The following ARHGEF12 variants were observed in gnomAD, a reference collection of about 807,000 sequenced individuals.
The protein encoded by ARHGEF12 is Rho guanine nucleotide exchange factor 12, also known as KMT2A/ARHGEF12 fusion protein.
ARHGEF12 carries 66 observed loss-of-function variants against 211.2 expected under a neutral mutation model. The observed-to-expected ratio is 0.31, with a 90% CI of 0.26 to 0.38. ARHGEF12 has a LOEUF of 0.38. ARHGEF12 is among the 10% of genes least tolerant of loss of function. The pLI is 1.00. For missense variants in ARHGEF12, 1,429 were observed against 1,869.5 expected (o/e 0.76, Z 4.34); for synonymous variants, 592 against 638.4 (o/e 0.93, Z 1.09).
chr11:120,404,835 G>C (rs1252249735), intron 1 of ARHGEF12, among the ~76,000 whole-genome samples: 1 of 152,166 alleles, frequency 6.6e-6, no homozygotes, highest in African/African-American at 2.4e-5. Context: ...TAAGAAACAT[G>C]TTCCCATTCC....
intron 1 of ARHGEF12, among the ~76,000 whole-genome samples, chr11:120,354,893 G>T (rs1363567452): frequency 6.6e-6 from 1 of 152,108 alleles, no homozygotes; most frequent in Admixed American, 6.5e-5. Flanking sequence ...GAGATCTACA[G>T]ACATCCGCTA....
At chr11:120,474,244 C>T (rs1030793430) in intron 31 of ARHGEF12, among the ~76,000 whole-genome samples, 52 of 152,264 alleles carry the variant, frequency 3.4e-4, no homozygotes, top group African/African-American at 1.1e-3. Context: ...TTAAAGGATA[C>T]GTTGAGAATC....
At chr11:120,373,434 C>CA (rs1373834677) in intron 1 of ARHGEF12, among the ~76,000 whole-genome samples, 1 of 152,096 alleles carries the variant, frequency 6.6e-6, no homozygotes, top group East Asian at 1.9e-4. Flanking sequence ...CAGCAAAACA[C>CA]AAAAGAGTGA....
chr11:120,350,797 G>A (rs1942911486), intron 1 of ARHGEF12, among the ~76,000 whole-genome samples: 1 of 152,110 alleles, frequency 6.6e-6, no homozygotes, highest in Non-Finnish European at 1.5e-5. Flanking sequence ...ATTGGGCATT[G>A]TTTTAGTCAC....
intron 11 of ARHGEF12, among the ~76,000 whole-genome samples, chr11:120,436,029 C>T (rs539564599): frequency 1.3e-5 from 2 of 152,298 alleles, no homozygotes; most frequent in South Asian, 4.1e-4. Context: ...AAATACTTCT[C>T]TTGATTCTTT....
chr11:120,382,798 G>T (rs1943913487), intron 1 of ARHGEF12, among the ~76,000 whole-genome samples: 2 of 151,884 alleles, frequency 1.3e-5, no homozygotes. Flanking sequence ...ATTTCTTCTG[G>T]GCTCTGAAAG....
chr11:120,455,390 T>TGAAATA (rs1031858507), intron 22 of ARHGEF12, among the ~76,000 whole-genome samples: 7 of 152,310 alleles, frequency 4.6e-5, no homozygotes, highest in African/African-American at 1.7e-4. Flanking sequence ...ATCACATTCC[T>TGAAATA]CATCATAACA....
At chr11:120,409,188 A>C (rs986293571) in intron 3 of ARHGEF12, 1 of 529,198 alleles carries the variant, frequency 1.9e-6, no homozygotes, top group African/African-American at 1.9e-5. Context: ...TTTTTATTGC[A>C]CTGTCTTTTC....
intron 1 of ARHGEF12, among the ~76,000 whole-genome samples, chr11:120,394,064 G>C (rs968865612): frequency 2.0e-5 from 3 of 151,836 alleles, no homozygotes; most frequent in Non-Finnish European, 4.4e-5. Flanking sequence ...CTTAGTCAAA[G>C]TGGAAATAAA....
At chr11:120,347,147 C>CTTTCTTTCTTTCTTTCTTT (rs1491449720) in intron 1 of ARHGEF12, among the ~76,000 whole-genome samples, 4 of 46,482 alleles carry the variant, frequency 8.6e-5, no homozygotes, top group Non-Finnish European at 1.4e-4. Context: ...TTCCTTCCTT[C>CTTTCTTTCTTTCTTTCTTT]CTTCCTTCCT....
chr11:120,480,007 A>G lies in ARHGEF12; in HGVS notation c.3814A>G (p.Lys1272Glu). The change falls in exon 38 of 41, where the codon AAG becomes GAG. Residue 1272 changes from lysine to glutamate, a missense_variant. Lys to Glu is a moderately conservative substitution (Grantham distance 56). This residue lies in a region of ARHGEF12 where 467 missense variants were observed against 468.4 expected (regional missense o/e 1.00). Transcript: ENST00000397843. ...LLVQQLGLTEKSVQEDWQHFP... is the reference protein window; with the variant it reads ...LLVQQLGLTEESVQEDWQHFP... ...GGTGCAACAGCTAGGTTTGACTGAG[A>G]AGAGCGTTCAGGAAGACTGGCAACA... The G allele has an allele frequency of 6.2e-7, 1 of 1,614,124 alleles. No homozygotes were observed. Among genetic ancestry groups the G allele is most frequent in the Non-Finnish European group, 8.5e-7 (1 of 1,180,016 alleles).
intron 27 of ARHGEF12, chr11:120,463,074 C>T (rs1367815056): frequency 1.3e-5 from 2 of 152,242 alleles, no homozygotes; most frequent in Non-Finnish European, 2.9e-5. Context: ...TGCAAGTGTT[C>T]TGAGCACATT....
chr11:120,338,712 C>A (rs150184114), intron 1 of ARHGEF12, among the ~76,000 whole-genome samples: 1 of 152,144 alleles, frequency 6.6e-6, no homozygotes, highest in African/African-American at 2.4e-5. Context: ...TCAATTCTCG[C>A]TCTTTCTGTT....
chr11:120,447,331 A>T (rs1946075622), intron 18 of ARHGEF12: 2 of 382,652 alleles, frequency 5.2e-6, no homozygotes, highest in African/African-American at 4.2e-5. Flanking sequence ...GTGATCAAAA[A>T]CAGGTTGATT....
intron 1 of ARHGEF12, among the ~76,000 whole-genome samples, chr11:120,379,393 A>G (rs1943816473): frequency 6.6e-6 from 1 of 151,978 alleles, no homozygotes; most frequent in Admixed American, 6.5e-5. Context: ...CCTTTTATAT[A>G]TTTATTTTCA....
intron 1 of ARHGEF12, among the ~76,000 whole-genome samples, chr11:120,402,989 C>T (rs1944585626): frequency 6.6e-6 from 1 of 152,134 alleles, no homozygotes; most frequent in Non-Finnish European, 1.5e-5. Context: ...GTAAGTCTTA[C>T]TCTAGTATAC....
intron 3 of ARHGEF12, 50 bp from the exon 4 acceptor site, chr11:120,409,344 T>G: frequency 1.9e-6 from 3 of 1,585,852 alleles, no homozygotes. Flanking sequence ...TCCCCTTACA[T>G]TGTCTCCATA....
At chr11:120,360,549 C>T (rs1021676778) in intron 1 of ARHGEF12, among the ~76,000 whole-genome samples, 1 of 152,082 alleles carries the variant, frequency 6.6e-6, no homozygotes, top group African/African-American at 2.4e-5. Context: ...CATACCACCA[C>T]ATTGGATAAT....
intron 1 of ARHGEF12, among the ~76,000 whole-genome samples, chr11:120,385,038 G>GA (rs1262899573): frequency 6.6e-6 from 1 of 152,094 alleles, no homozygotes; most frequent in Non-Finnish European, 1.5e-5. Context: ...TACTCAAGAA[G>GA]AAAATTAGGG....
Sources: allele counts gnomAD v4.1 joint callset (sites outside exome capture counted in the v4.1 genomes callset), GRCh38; gene constraint gnomAD v4.1.1; regional missense constraint gnomAD v4.1.1; transcripts MANE v1.5; gene names NCBI Gene and HGNC (gene_info 2026-07-23, HGNC 2026-07-21).